GTF2H5: variants seen among roughly 807,000 people sequenced by gnomAD.
The protein encoded by GTF2H5 is general transcription factor IIH subunit 5.
GTF2H5 carries 5 observed loss-of-function variants against 7.1 expected under a neutral mutation model. That is an observed-to-expected ratio of 0.71 (90% CI 0.37 to 1.49). GTF2H5 has a LOEUF of 1.49. GTF2H5 is among the 40% of genes most tolerant of loss of function. GTF2H5 has a pLI of 0.03. For synonymous variants in GTF2H5, 30 were observed against 31.7 expected, an observed-to-expected ratio of 0.95 and a Z score of 0.18; for missense variants, 80 against 83.0, an observed-to-expected ratio of 0.96 and a Z score of 0.14.
In GTF2H5 at chr6:158,191,926, T is replaced by C. The variant is rs375196878; in HGVS notation, c.36-51T>C. On this transcript the variant is annotated intron_variant, in intron 2 of 2. Coordinates refer to ENST00000607778, the MANE Select transcript of GTF2H5 (RefSeq NM_207118.3). ...TCACATTTAATTGCTCAAGTCTCTG[T>C]GATGTGATTTGACAACAAGCTGTCT... 11 of 1,391,068 alleles carry C rather than the reference T, an allele frequency of 7.9e-6. No homozygotes were observed. In the African/African-American group the frequency reaches 1.4e-4, roughly 18 times the overall value. The allele number at this position is 1,391,068 out of a possible 1,614,324, so 86.2% of individuals were successfully genotyped here. A position where few individuals can be genotyped will look rare whatever the true frequency, so the allele number is the denominator to read the frequency against.
intron 2 of GTF2H5, among the ~76,000 whole-genome samples, chr6:158,172,182 G>A (rs1785866410): frequency 6.6e-6 from 1 of 151,902 alleles, no homozygotes; most frequent in Non-Finnish European, 1.5e-5. Context: ...TTTATTGGGA[G>A]GAGTGGCATA....
chr6:158,172,704 T>A (rs1785874420), intron 2 of GTF2H5, among the ~76,000 whole-genome samples: 1 of 152,172 alleles, frequency 6.6e-6, no homozygotes, highest in South Asian at 2.1e-4. Flanking sequence ...CTTAATCACA[T>A]AATTTTACTC....
intron 1 of GTF2H5, among the ~76,000 whole-genome samples, chr6:158,169,660 A>ATATATTG (rs1562469021): frequency 0.018 from 1,521 of 84,544 alleles, 333 homozygotes; most frequent in Admixed American, 0.048. Context: ...ATTACATATA[A>ATATATTG]TATATTGTAT....
intron 2 of GTF2H5, among the ~76,000 whole-genome samples, chr6:158,187,315 A>T (rs932254689): frequency 1.3e-5 from 2 of 151,614 alleles, no homozygotes; most frequent in African/African-American, 4.8e-5. Context: ...TATCAGACCT[A>T]AAAAGGTGCC....
At chr6:158,172,899 T>C (rs535550310) in intron 2 of GTF2H5, among the ~76,000 whole-genome samples, 1 of 152,308 alleles carries the variant, frequency 6.6e-6, no homozygotes, top group African/African-American at 2.4e-5. Flanking sequence ...AACAAAACTC[T>C]GGGGAGACTC....
rs932615846 is a variant in GTF2H5 at position 158,192,307 on chromosome 6, A to T, written c.*150A>T. 1.5e-6 allele frequency: 1 copy of T among 656,386 alleles called. No individual in the cohort carries two copies. Among genetic ancestry groups the T allele is most frequent in the Non-Finnish European group, 2.7e-6 (1 of 371,044 alleles). 40.7% of individuals were successfully genotyped at this position (656,386 alleles called of 1,614,324 possible). A position where few individuals can be genotyped will look rare whatever the true frequency, so the allele number is the denominator to read the frequency against. ...GGGATCATGATCATTTGTTCAGAAAAAAAGCCCCTGAACTGATTTTGTTAC... is the reference window on the plus strand; with the variant it reads ...GGGATCATGATCATTTGTTCAGAAATAAAGCCCCTGAACTGATTTTGTTAC... On this transcript the variant is annotated 3_prime_UTR_variant, in exon 3 of 3. Coordinates refer to ENST00000607778, the MANE Select transcript of GTF2H5 (RefSeq NM_207118.3).
At position 158,170,395 on chromosome 6, in the gene GTF2H5, G is replaced by A. The variant is rs111591114; in HGVS notation, c.-34-75G>A. The A allele has an allele frequency of 5.1e-4, 429 of 837,964 alleles. 3 individuals are homozygous for A. The African/African-American group carries it at 6.2e-3, about 12-fold the overall frequency. 51.9% of individuals were successfully genotyped at this position (837,964 alleles called of 1,614,324 possible). ...TATTGACATTTAATTATTTTGCCTC[G>A]TTTCAGAGGCAGATCCCCAAAGTAT... is the stretch of plus-strand genomic sequence containing the variant. On this transcript the variant is annotated intron_variant, in intron 1 of 2. Coordinates refer to ENST00000607778, the MANE Select transcript of GTF2H5 (RefSeq NM_207118.3).
At chr6:158,175,502 G>A (rs528485646) in intron 2 of GTF2H5, among the ~76,000 whole-genome samples, 1 of 152,268 alleles carries the variant, frequency 6.6e-6, no homozygotes, top group African/African-American at 2.4e-5. Context: ...AGTGGCTCAC[G>A]CCTGTAATCC....
intron 1 of GTF2H5, among the ~76,000 whole-genome samples, chr6:158,169,773 A>ATATATTATATATTT (rs1230587644): frequency 1.2e-5 from 1 of 83,960 alleles, no homozygotes; most frequent in African/African-American, 4.3e-5. Context: ...ATTATATATA[A>ATATATTATATATTT]TATATTGTAT....
At chr6:158,190,761 A>G (rs1583638629) in intron 2 of GTF2H5, 2 of 378,354 alleles carry the variant, frequency 5.3e-6, no homozygotes, top group East Asian at 7.3e-5. Flanking sequence ...ATTTCTCAAG[A>G]CACCAAAAGA....
intron 2 of GTF2H5, among the ~76,000 whole-genome samples, chr6:158,177,330 G>T (rs972714466): frequency 6.6e-6 from 1 of 152,076 alleles, no homozygotes; most frequent in African/African-American, 2.4e-5. Flanking sequence ...AGGCTCTTTG[G>T]CTCCCTATGT....
chr6:158,184,497 C>A (rs746168139), intron 2 of GTF2H5, among the ~76,000 whole-genome samples: 2 of 152,112 alleles, frequency 1.3e-5, no homozygotes, highest in Non-Finnish European at 2.9e-5. Flanking sequence ...AACTTAATGT[C>A]TCCTATGGTG....
intron 2 of GTF2H5, among the ~76,000 whole-genome samples, chr6:158,178,240 A>C (rs1302126561): frequency 6.6e-6 from 1 of 152,100 alleles, no homozygotes; most frequent in Admixed American, 6.6e-5. Context: ...TAATCCCAGC[A>C]CTTTGGGAGG....
At chr6:158,188,808 G>T (rs998836848) in intron 2 of GTF2H5, among the ~76,000 whole-genome samples, 1 of 152,062 alleles carries the variant, frequency 6.6e-6, no homozygotes, top group Admixed American at 6.6e-5. Context: ...TCATCCCGGA[G>T]ATCCTCATTC....
At chr6:158,170,615 C>G in intron 2 of GTF2H5, 77 bp downstream of exon 2, 2 of 1,060,090 alleles carry the variant, frequency 1.9e-6, no homozygotes, top group Non-Finnish European at 2.9e-6. Context: ...TTTCTAAAAC[C>G]CTGTTGTTTT....
At chr6:158,190,895 G>T (rs774222314) in intron 2 of GTF2H5, 1 of 513,636 alleles carries the variant, frequency 1.9e-6, no homozygotes, top group Non-Finnish European at 3.9e-6. Context: ...ATGATTCAAG[G>T]TTTTTATGAA....
intron 2 of GTF2H5, among the ~76,000 whole-genome samples, chr6:158,180,762 CTTT>C (rs1785998834): frequency 1.3e-5 from 2 of 150,280 alleles, no homozygotes; most frequent in Admixed American, 1.3e-4. Context: ...TCTCTTTCTT[CTTT>C]ATTAGTCTTG....
At position 158,194,547 on chromosome 6, in the gene GTF2H5, T is replaced by C. The variant is rs1777078971; in HGVS notation, c.*2390T>C. 1.3e-5 allele frequency: 2 copies of C among 152,254 alleles called. No individual in the cohort carries two copies. The allele number at this position is 152,254 out of a possible 1,614,324, so 9.4% of individuals were successfully genotyped here. ...TCTGCCAGACACAAACTCAAGGCTT[T>C]ATGGTGTATCTCTTGAGCGAAATCC... On this transcript the variant is annotated 3_prime_UTR_variant, in exon 3 of 3. Transcript: ENST00000607778.
intron 2 of GTF2H5, chr6:158,190,897 T>G (rs767181450): frequency 1.9e-6 from 1 of 514,134 alleles, no homozygotes; most frequent in Admixed American, 2.0e-5. Context: ...GATTCAAGGT[T>G]TTTATGAAAG....
Sources: allele counts gnomAD v4.1 joint callset (sites outside exome capture counted in the v4.1 genomes callset), GRCh38; gene constraint gnomAD v4.1.1; transcripts MANE v1.5; gene names NCBI Gene and HGNC (gene_info 2026-07-23, HGNC 2026-07-21).